NEDD9: variants seen among roughly 807,000 people sequenced by gnomAD.
NEDD9 encodes enhancer of filamentation 1.
In NEDD9, 26 loss-of-function variants were observed where a neutral mutation model predicts 76.6. The observed-to-expected ratio is 0.34, with a 90% CI of 0.25 to 0.47. NEDD9 has a LOEUF of 0.47. Ranked by LOEUF, NEDD9 falls within the 20% of genes least tolerant of loss-of-function variation. The pLI is 1.00. For synonymous variants in NEDD9, 392 were observed against 414.2 expected (o/e 0.95, Z 0.65); for missense variants, 937 against 1,058.5 (o/e 0.89, Z 1.59).
At position 11,305,244 on chromosome 6, in the gene NEDD9, A is replaced by G. The variant is rs1051313128; in HGVS notation, c.12+748T>C. ...TTTGAGCATGAGTTACTCTATGTGC[A>G]TTTTCTCATTTCATCCTCTGAACAA... On this transcript the variant is annotated intron_variant, in intron 3 of 3. Coordinates refer to the NEDD9 transcript ENST00000397378. 9 of 752,356 alleles carry G rather than the reference A, an allele frequency of 1.2e-5. No individual in the cohort carries two copies. In the African/African-American group the frequency reaches 1.7e-4, roughly 14 times the overall value. The allele number at this position is 752,356 out of a possible 1,614,324, so 46.6% of individuals were successfully genotyped here.
At chr6:11,308,604 C>G (rs1761269181) in intron 2 of NEDD9, among the ~76,000 whole-genome samples, 1 of 151,896 alleles carries the variant, frequency 6.6e-6, no homozygotes, top group Admixed American at 6.6e-5. Context: ...CTCCTTACCT[C>G]GTGATCCGCC....
At chr6:11,256,197 G>T (rs115905724) in intron 3 of NEDD9, among the ~76,000 whole-genome samples, 2 of 152,204 alleles carry the variant, frequency 1.3e-5, no homozygotes, top group Admixed American at 1.3e-4. Flanking sequence ...AGATTCACAA[G>T]CCACCTGCCT....
At chr6:11,201,087 C>T (rs2113736494) in intron 2 of NEDD9, 1 of 1,612,962 alleles carries the variant, frequency 6.2e-7, no homozygotes, top group African/African-American at 1.3e-5. Context: ...GTTCTGCTCA[C>T]ATTGTGTCAC....
chr6:11,289,934 T>C (rs1037499842), intron 3 of NEDD9, among the ~76,000 whole-genome samples: 3 of 152,152 alleles, frequency 2.0e-5, no homozygotes, highest in Admixed American at 2.0e-4. Context: ...AATCTAAAAA[T>C]TCAGGCAAAA....
chr6:11,194,868 G>A (rs1278816197), intron 2 of NEDD9, among the ~76,000 whole-genome samples: 3 of 152,186 alleles, frequency 2.0e-5, no homozygotes, highest in African/African-American at 4.8e-5. Flanking sequence ...AACTCATTTT[G>A]AAATATATGT....
chr6:11,239,018 T>A (rs927103223), intron 3 of NEDD9, among the ~76,000 whole-genome samples: 1 of 151,880 alleles, frequency 6.6e-6, no homozygotes, highest in African/African-American at 2.4e-5. Flanking sequence ...TTAAAAAAAA[T>A]TAACCAGGTG....
chr6:11,289,988 T>A (rs1221793563), intron 3 of NEDD9, among the ~76,000 whole-genome samples: 1 of 152,130 alleles, frequency 6.6e-6, no homozygotes, highest in Non-Finnish European at 1.5e-5. Context: ...AGTCAGAGTT[T>A]AAAAAAATAG....
chr6:11,266,750 A>G (rs1760209208), intron 3 of NEDD9, among the ~76,000 whole-genome samples: 1 of 152,220 alleles, frequency 6.6e-6, no homozygotes, highest in Non-Finnish European at 1.5e-5. Flanking sequence ...TGGTACCTTC[A>G]GTGACCTTGA....
At chr6:11,369,520 C>A (rs1030936062) in intron 1 of NEDD9, among the ~76,000 whole-genome samples, 1 of 152,170 alleles carries the variant, frequency 6.6e-6, no homozygotes, top group Non-Finnish European at 1.5e-5. Flanking sequence ...TGCACGTGTA[C>A]ACACACAGAG....
At chr6:11,215,678 T>C (rs1029049236) in intron 1 of NEDD9, among the ~76,000 whole-genome samples, 1 of 152,220 alleles carries the variant, frequency 6.6e-6, no homozygotes, top group Non-Finnish European at 1.5e-5. Context: ...CACTCTGGCC[T>C]CTGTCTGTCC....
chr6:11,185,502 A>T lies in NEDD9; in HGVS notation c.2165T>A (p.Leu722His). ...YDQCETHFIS[L>H]LNAIDALFSC... ...GAAGAGTGCGTCAATGGCGTTGAGA[A>T]GGGAAATGAAATGGGTCTCACATTG... The change falls in exon 7 of 7, where the codon CTT (leucine) becomes CAT (histidine). Residue 722 changes from leucine (L) to histidine (H), a missense_variant. By Grantham distance (99) the Leu-to-His change is moderately conservative (BLOSUM62 -3). Transcript: ENST00000379446. 2 of 1,614,222 alleles carry T rather than the reference A, an allele frequency of 1.2e-6. No individual in the cohort carries two copies. Among genetic ancestry groups the T allele is most frequent in the Non-Finnish European group, 1.7e-6 (2 of 1,180,036 alleles).
chr6:11,218,259 G>A (rs374884503), intron 1 of NEDD9, among the ~76,000 whole-genome samples: 3 of 152,084 alleles, frequency 2.0e-5, no homozygotes, highest in African/African-American at 7.2e-5. Context: ...GAGCCGCAGA[G>A]GTTTGCTGTG....
At chr6:11,261,504 C>T (rs908658437) in intron 3 of NEDD9, among the ~76,000 whole-genome samples, 2 of 152,210 alleles carry the variant, frequency 1.3e-5, no homozygotes, top group South Asian at 4.1e-4. Flanking sequence ...TCAATTCATT[C>T]ATTCAACATA....
intron 3 of NEDD9, among the ~76,000 whole-genome samples, chr6:11,303,703 A>C (rs919037862): frequency 4.6e-5 from 7 of 152,244 alleles, no homozygotes; most frequent in African/African-American, 1.7e-4. Context: ...AAAACAAGCA[A>C]TATTGAAAGG....
chr6:11,233,375 A>G, upstream of NEDD9: 2 of 518,920 alleles, frequency 3.9e-6, no homozygotes. Flanking sequence ...ACACATATTG[A>G]GCGACCTTCA....
At chr6:11,266,753 G>T (rs1760209363) in intron 3 of NEDD9, among the ~76,000 whole-genome samples, 1 of 152,208 alleles carries the variant, frequency 6.6e-6, no homozygotes, top group African/African-American at 2.4e-5. Flanking sequence ...TACCTTCAGT[G>T]ACCTTGATGT....
intron 1 of NEDD9, among the ~76,000 whole-genome samples, chr6:11,367,684 T>C (rs1011640484): frequency 1.0e-4 from 14 of 137,980 alleles, no homozygotes; most frequent in Non-Finnish European, 6.1e-5. Flanking sequence ...ACAAGGAACT[T>C]ATTTTTAGTG....
intron 2 of NEDD9, among the ~76,000 whole-genome samples, chr6:11,197,827 A>G (rs944277965): frequency 6.6e-6 from 1 of 152,080 alleles, no homozygotes; most frequent in Non-Finnish European, 1.5e-5. Flanking sequence ...CATGCCTCAT[A>G]ATTTTGAAAG....
chr6:11,332,854 C>A (rs747899146), intron 2 of NEDD9, among the ~76,000 whole-genome samples: 1 of 152,126 alleles, frequency 6.6e-6, no homozygotes, highest in East Asian at 1.9e-4. Flanking sequence ...TGATGGGGAG[C>A]TTTTCAACAA....
Sources: gnomAD v4.1 joint callset for allele counts (sites outside exome capture counted in the v4.1 genomes callset) on GRCh38, gnomAD v4.1.1 for gene constraint, MANE v1.5 for transcripts, NCBI Gene and HGNC (gene_info 2026-07-23, HGNC 2026-07-21) for gene names.